SLC25A26: variants seen among roughly 807,000 people sequenced by gnomAD.
SLC25A26 encodes mitochondrial S-adenosylmethionine carrier protein.
SLC25A26 carries 36 observed loss-of-function variants against 37.8 expected under a neutral mutation model. The observed-to-expected ratio is 0.95, with a 90% CI of 0.73 to 1.26. The LOEUF (loss-of-function observed/expected upper bound fraction) is 1.26, where lower values mean the gene tolerates loss of function less well. Among genes scored for constraint, SLC25A26 ranks in the 50% most tolerant of loss-of-function variants. The probability of loss-of-function intolerance (pLI) is 0.00; values close to 1 mark genes in which losing one functional copy is unlikely to be tolerated. For synonymous variants in SLC25A26, 129 were observed against 122.5 expected, an observed-to-expected ratio of 1.05 and a Z score of -0.35; for missense variants, 390 against 331.1, an observed-to-expected ratio of 1.18 and a Z score of -1.38.
intron 7 of SLC25A26, among the ~76,000 whole-genome samples, chr3:66,367,953 T>C (rs1227513427): frequency 6.6e-6 from 1 of 152,198 alleles, no homozygotes; most frequent in African/African-American, 2.4e-5. Context: ...ATTCAAATAT[T>C]CATGTCAGTT....
chr3:66,374,233 G>A (rs919074164), intron 9 of SLC25A26, among the ~76,000 whole-genome samples: 1 of 152,062 alleles, frequency 6.6e-6, no homozygotes, highest in African/African-American at 2.4e-5. Flanking sequence ...TGCGTTGAGC[G>A]AGTCTTGCAG....
At chr3:66,347,667 A>G (rs1279353836) in intron 6 of SLC25A26, among the ~76,000 whole-genome samples, 1 of 152,252 alleles carries the variant, frequency 6.6e-6, no homozygotes, top group African/African-American at 2.4e-5. Context: ...ATAAAGATAC[A>G]TACATACATA....
intron 7 of SLC25A26, among the ~76,000 whole-genome samples, chr3:66,367,771 A>G (rs532603166): frequency 1.3e-5 from 2 of 152,232 alleles, no homozygotes; most frequent in South Asian, 2.1e-4. Context: ...AACTAAAAGT[A>G]TATTTACTTT....
intron 1 of SLC25A26, 90 bp from the exon 2 acceptor site, chr3:66,236,454 C>A (rs554039253): frequency 2.0e-6 from 2 of 1,005,660 alleles, no homozygotes; most frequent in African/African-American, 1.6e-5. Flanking sequence ...GCTTTAAAGA[C>A]TGTCTTCCTA....
chr3:66,297,334 A>G (rs1278845289), intron 5 of SLC25A26, among the ~76,000 whole-genome samples: 3 of 151,214 alleles, frequency 2.0e-5, no homozygotes, highest in African/African-American at 7.3e-5. Context: ...ATCTCAAAAA[A>G]AAAAAAAAAA....
chr3:66,269,627 A>C (rs946491910), intron 5 of SLC25A26, among the ~76,000 whole-genome samples: 5 of 152,176 alleles, frequency 3.3e-5, no homozygotes, highest in African/African-American at 4.8e-5. Context: ...CCACTGAAAA[A>C]TGTTACCAAG....
intron 9 of SLC25A26, among the ~76,000 whole-genome samples, chr3:66,374,752 G>A (rs1305828829): frequency 6.6e-6 from 1 of 152,114 alleles, no homozygotes; most frequent in East Asian, 1.9e-4. Context: ...ATGTTGGTGT[G>A]TGCCTGTAGT....
chr3:66,374,776 G>C (rs1452587283), intron 9 of SLC25A26, among the ~76,000 whole-genome samples: 1 of 152,094 alleles, frequency 6.6e-6, no homozygotes, highest in East Asian at 1.9e-4. Flanking sequence ...AGCTACTTGG[G>C]AAGCTGAGGT....
chr3:66,289,933 A>T (rs541165198), intron 5 of SLC25A26, among the ~76,000 whole-genome samples: 20 of 152,286 alleles, frequency 1.3e-4, no homozygotes, highest in Admixed American at 1.2e-3. Flanking sequence ...CACGTTAATG[A>T]TTCTTCTTAT....
chr3:66,191,422 G>A (rs1187224430), intron 1 of SLC25A26, among the ~76,000 whole-genome samples: 3 of 151,922 alleles, frequency 2.0e-5, no homozygotes, highest in African/African-American at 7.3e-5. Flanking sequence ...CACAGAATCT[G>A]TATTAGCATC....
At chr3:66,311,676 G>C (rs139785534) in intron 5 of SLC25A26, among the ~76,000 whole-genome samples, 1 of 152,094 alleles carries the variant, frequency 6.6e-6, no homozygotes, top group South Asian at 2.1e-4. Flanking sequence ...GGGTTTTTGC[G>C]TGGGTGTCCT....
intron 1 of SLC25A26, among the ~76,000 whole-genome samples, chr3:66,235,819 C>T (rs556625446): frequency 1.3e-5 from 2 of 152,252 alleles, no homozygotes; most frequent in East Asian, 1.9e-4. Flanking sequence ...AGCAAGAAAC[C>T]AATAAAAGTG....
chr3:66,184,168 T>G (rs186875576), intron 1 of SLC25A26, among the ~76,000 whole-genome samples: 1 of 152,206 alleles, frequency 6.6e-6, no homozygotes, highest in Admixed American at 6.5e-5. Context: ...ACCACAGCTC[T>G]AATACTTATT....
intron 1 of SLC25A26, among the ~76,000 whole-genome samples, chr3:66,166,541 A>T (rs1346398312): frequency 1.3e-5 from 2 of 152,206 alleles, no homozygotes; most frequent in Admixed American, 6.5e-5. Flanking sequence ...GTCTTTTGGA[A>T]TGGAAGGCTT....
intron 5 of SLC25A26, among the ~76,000 whole-genome samples, chr3:66,310,944 C>G (rs962274534): frequency 1.3e-5 from 2 of 152,076 alleles, no homozygotes; most frequent in Non-Finnish European, 2.9e-5. Flanking sequence ...TCCTTTCAAC[C>G]TTGGTGAATC....
chr3:66,274,845 A>G (rs2074080674), intron 5 of SLC25A26, among the ~76,000 whole-genome samples: 1 of 152,170 alleles, frequency 6.6e-6, no homozygotes, highest in African/African-American at 2.4e-5. Flanking sequence ...CAGTGTGGCG[A>G]TTCCTCAGGG....
rs957457722 is a variant in SLC25A26, at chr3:66,263,500, G to A, written c.453+121G>A. 1.0e-5 allele frequency: 7 copies of A among 675,184 alleles called. No individual in the cohort carries two copies. The Admixed American group carries it at 1.9e-4, about 18-fold the overall frequency. 41.8% of individuals were successfully genotyped at this position (675,184 alleles called of 1,614,324 possible). A position where few individuals can be genotyped will look rare whatever the true frequency, so the allele number is the denominator to read the frequency against. The stretch of plus-strand genomic sequence containing the variant: ...AACTTGGTTTAAAAAATCAAAAAGG[G>A]AAATTATCGTCACTCTTCTGTTAAA... On this transcript the variant is annotated intron_variant, in intron 5 of 9. Coordinates refer to ENST00000354883, the MANE Select transcript of SLC25A26 (RefSeq NM_001379210.1).
rs374421737 is a variant in SLC25A26, at chr3:66,279,832, T to C, written c.453+16453T>C. Among the ~76,000 whole-genome samples, 38 of 152,342 alleles carry C rather than the reference T, an allele frequency of 2.5e-4. 3 individuals carry two copies. The highest frequency in any genetic ancestry group is 1.5e-3 in the East Asian group (8 of 5,188). On this transcript the variant is annotated intron_variant, in intron 5 of 9. Transcript: ENST00000354883. ...TGTGTCTTGATCCACGTATTGTAAG[T>C]CTTTCCTATTATCAGTGAATTTTTC...
chr3:66,215,218 T>A (rs1249116062), intron 1 of SLC25A26, among the ~76,000 whole-genome samples: 2 of 152,240 alleles, frequency 1.3e-5, no homozygotes, highest in African/African-American at 4.8e-5. Flanking sequence ...TTTTTATTTT[T>A]TGAGACAGGG....
Sources: allele counts gnomAD v4.1 joint callset (sites outside exome capture counted in the v4.1 genomes callset), GRCh38; gene constraint gnomAD v4.1.1; transcripts MANE v1.5; gene names NCBI Gene and HGNC (gene_info 2026-07-23, HGNC 2026-07-21).